Variants in NUP93 observed in about 807,000 individuals in gnomAD.
NUP93 encodes the protein nuclear pore complex protein Nup93.
A neutral mutation model predicts 107.8 loss-of-function variants in NUP93; 55 were observed. The ratio of observed to expected loss-of-function variants is 0.51; its 90% CI spans 0.41 to 0.64. The LOEUF (loss-of-function observed/expected upper bound fraction) is 0.64. NUP93 is among the 30% of genes least tolerant of loss of function. The probability of loss-of-function intolerance (pLI) is 0.00; values close to 1 mark genes in which losing one functional copy is unlikely to be tolerated. For synonymous variants in NUP93, 390 were observed against 397.5 expected (o/e 0.98, Z 0.22); for missense variants, 937 against 1,044.7 (o/e 0.90, Z 1.42).
At chr16:56,817,736 C>A (rs1963462437) in intron 5 of NUP93, among the ~76,000 whole-genome samples, 1 of 152,026 alleles carries the variant, frequency 6.6e-6, no homozygotes, top group Non-Finnish European at 1.5e-5. Context: ...TTTTTATGTG[C>A]CTTTTCTATA....
chr16:56,812,855 C>T (rs562043926), intron 5 of NUP93, among the ~76,000 whole-genome samples: 5 of 152,306 alleles, frequency 3.3e-5, no homozygotes, highest in African/African-American at 7.2e-5. Context: ...ATCCTCACGT[C>T]GCAGTTTTTG....
At chr16:56,749,191 T>TG (rs1567375156) in intron 2 of NUP93, among the ~76,000 whole-genome samples, 2 of 152,100 alleles carry the variant, frequency 1.3e-5, no homozygotes, top group East Asian at 3.9e-4. Flanking sequence ...ATGTGGGGAG[T>TG]GGGGCAGAAA....
rs140319321 is a variant in NUP93, at chr16:56,798,679, G to A, written c.360+141G>A. The A allele has an allele frequency of 3.9e-3, 2,689 of 684,986 alleles. 59 individuals are homozygous for A. In the African/African-American group the frequency reaches 0.043, roughly 11 times the overall value. The allele number at this position is 684,986 out of a possible 1,614,324, so 42.4% of individuals were successfully genotyped here. On this transcript the variant is annotated intron_variant, in intron 4 of 21. Coordinates refer to ENST00000308159, the MANE Select transcript of NUP93 (RefSeq NM_014669.5). ...GCCCAGGAATTCAAGATCAGCCTAG[G>A]CAACATAGTGAGACCCCATCTTTAC...
chr16:56,828,210 A>AT (rs1257302769), intron 8 of NUP93, among the ~76,000 whole-genome samples: 5 of 137,264 alleles, frequency 3.6e-5, no homozygotes, highest in African/African-American at 1.1e-4. Context: ...AAAAAAAAAA[A>AT]AAAAGATCAT....
intron 3 of NUP93, among the ~76,000 whole-genome samples, chr16:56,791,695 C>T (rs1213595865): frequency 6.6e-6 from 1 of 152,220 alleles, no homozygotes; most frequent in African/African-American, 2.4e-5. Context: ...GATGTGACTA[C>T]ACGTTCCTTA....
Position 56,781,928 on chromosome 16 carries a change from C to T in NUP93, c.298-16548C>T. 6 of 985,310 alleles carry T rather than the reference C, an allele frequency of 6.1e-6. No individual in the cohort carries two copies. In the South Asian group the frequency reaches 2.8e-4, roughly 46 times the overall value. 61.0% of individuals were successfully genotyped at this position (985,310 alleles called of 1,614,324 possible). A position where few individuals can be genotyped will look rare whatever the true frequency, so the allele number is the denominator to read the frequency against. On this transcript the variant is annotated intron_variant, in intron 3 of 21. Transcript: ENST00000308159. ...ATGCTGTGCTCCGGGGGCTGCAGTG[C>T]ACCCTTTTTAAAGGGACCCTGCAAT...
In NUP93 at chr16:56,753,842, G is replaced by A. The variant is rs575867427; in HGVS notation, c.180-4696G>A. ...ACTTTAAAAGTTGTGAAAAAATTAG[G>A]CAATATCTTGGCTATAACAAGCATA... On this transcript the variant is annotated intron_variant, in intron 2 of 21. Coordinates refer to ENST00000308159, the MANE Select transcript of NUP93 (RefSeq NM_014669.5). Among the ~76,000 whole-genome samples, 3 of 152,200 alleles carry A rather than the reference G, an allele frequency of 2.0e-5. No individual in the cohort carries two copies. The East Asian group carries it at 5.8e-4, about 29-fold the overall frequency.
At chr16:56,841,644 A>C in intron 20 of NUP93, 61 bp from the exon 21 acceptor site, 1 of 1,594,212 alleles carries the variant, frequency 6.3e-7, no homozygotes, top group Non-Finnish European at 8.5e-7. Context: ...CCCTCCCTCC[A>C]TCTGTGGTTG....
chr16:56,821,748 G>A (rs1368551620), intron 7 of NUP93, among the ~76,000 whole-genome samples, 155 bp downstream of exon 7: 1 of 152,018 alleles, frequency 6.6e-6, no homozygotes, highest in Non-Finnish European at 1.5e-5. Flanking sequence ...AACTTTGGGT[G>A]GTTTTCTTGA....
At chr16:56,789,449 T>C (rs2144535844) in intron 3 of NUP93, among the ~76,000 whole-genome samples, 1 of 152,310 alleles carries the variant, frequency 6.6e-6, no homozygotes, top group East Asian at 1.9e-4. Flanking sequence ...ATGTACAAAA[T>C]GGGACCCAGC....
intron 16 of NUP93, among the ~76,000 whole-genome samples, chr16:56,835,819 AT>A (rs371542245): frequency 3.3e-5 from 5 of 151,532 alleles, no homozygotes; most frequent in Middle Eastern, 3.4e-3. Context: ...GGTGATGGTG[AT>A]TTTTTTTTAA....
rs562967330 is a variant in NUP93 at position 56,748,470 on chromosome 16, G to C, written c.179+44G>C. On this transcript the variant is annotated intron_variant, in intron 2 of 21. Coordinates refer to ENST00000308159, the MANE Select transcript of NUP93 (RefSeq NM_014669.5). ...ACAGCATTAGTACTGGGTGGCTTGC[G>C]GGCAGGATCTGTTTCTTCTTTCCTG... 2.0e-6 allele frequency: 3 copies of C among 1,497,972 alleles called. No homozygotes were observed. The Admixed American group carries it at 5.7e-5, about 29-fold the overall frequency. The allele number at this position is 1,497,972 out of a possible 1,614,324, so 92.8% of individuals were successfully genotyped here. A position where few individuals can be genotyped will look rare whatever the true frequency, so the allele number is the denominator to read the frequency against.
chr16:56,832,755 G>T (rs574469256), intron 12 of NUP93, among the ~76,000 whole-genome samples: 1 of 152,182 alleles, frequency 6.6e-6, no homozygotes, highest in Admixed American at 6.5e-5. Context: ...CTTTTTTCCC[G>T]TATTTTTTAA....
chr16:56,772,924 C>T (rs1465897235), intron 3 of NUP93, among the ~76,000 whole-genome samples: 3 of 152,196 alleles, frequency 2.0e-5, no homozygotes, highest in African/African-American at 7.2e-5. Flanking sequence ...CTGTTTCCTC[C>T]AGCCTGCTGG....
chr16:56,807,182 T>C (rs1223065485), intron 5 of NUP93, among the ~76,000 whole-genome samples: 1 of 152,190 alleles, frequency 6.6e-6, no homozygotes, highest in East Asian at 1.9e-4. Flanking sequence ...TCAGCAAACC[T>C]GGTAGCCCTG....
intron 4 of NUP93, among the ~76,000 whole-genome samples, chr16:56,800,668 T>C (rs1282455118): frequency 6.6e-6 from 1 of 152,266 alleles, no homozygotes; most frequent in Non-Finnish European, 1.5e-5. Flanking sequence ...TTTTTGTGAC[T>C]ATTTCATGTT....
chr16:56,757,563 A>G (rs571979473), intron 2 of NUP93, among the ~76,000 whole-genome samples: 1 of 152,312 alleles, frequency 6.6e-6, no homozygotes, highest in East Asian at 1.9e-4. Context: ...TGTTCTAGAT[A>G]TTAGTGCAAC....
At chr16:56,841,140 T>A (rs1280537279) in intron 20 of NUP93, among the ~76,000 whole-genome samples, 3 of 152,258 alleles carry the variant, frequency 2.0e-5, no homozygotes, top group Non-Finnish European at 4.4e-5. Flanking sequence ...CTGTGGCTTC[T>A]ACCCTTAGCC....
chr16:56,747,455 T>C (rs1245654976), intron 1 of NUP93, among the ~76,000 whole-genome samples: 3 of 152,160 alleles, frequency 2.0e-5, no homozygotes, highest in Admixed American at 1.3e-4. Context: ...ACAAATCTAA[T>C]GTCCCGAATG....
Sources: gnomAD v4.1 joint callset for allele counts (sites outside exome capture counted in the v4.1 genomes callset) on GRCh38, gnomAD v4.1.1 for gene constraint, MANE v1.5 for transcripts, NCBI Gene and HGNC (gene_info 2026-07-23, HGNC 2026-07-21) for gene names.